The following KDM7A variants were observed in gnomAD, a reference collection of about 807,000 sequenced individuals.
KDM7A encodes the protein lysine-specific demethylase 7A.
In KDM7A, 28 loss-of-function variants were observed where a neutral mutation model predicts 114.8. That is an observed-to-expected ratio of 0.24 (90% CI 0.18 to 0.33). KDM7A has a LOEUF of 0.33. Among genes scored for constraint, KDM7A ranks in the 10% least tolerant of loss-of-function variants. The pLI is 1.00. For missense variants in KDM7A, 942 were observed against 1,142.5 expected, an observed-to-expected ratio of 0.82 and a Z score of 2.53; for synonymous variants, 423 against 397.8, an observed-to-expected ratio of 1.06 and a Z score of -0.75.
At chr7:140,116,518 G>A (rs1818532441) in intron 9 of KDM7A, among the ~76,000 whole-genome samples, 1 of 152,150 alleles carries the variant, frequency 6.6e-6, no homozygotes, top group Admixed American at 6.5e-5. Flanking sequence ...CTCTAGAAGG[G>A]AAGCGGAAAG....
At chr7:140,099,527 G>A (rs1306044028) in intron 13 of KDM7A, among the ~76,000 whole-genome samples, 2 of 152,094 alleles carry the variant, frequency 1.3e-5, no homozygotes, top group Non-Finnish European at 2.9e-5. Context: ...CCAACCCCTG[G>A]GCCATAGACT....
intron 1 of KDM7A, among the ~76,000 whole-genome samples, chr7:140,173,889 C>T (rs1328079593): frequency 6.6e-6 from 1 of 152,132 alleles, no homozygotes; most frequent in Admixed American, 6.5e-5. Context: ...CTAGGCCGGG[C>T]AGGGTGGCTC....
chr7:140,133,524 A>G lies in KDM7A; in HGVS notation c.398+15T>C. 2.2e-6 allele frequency: 3 copies of G among 1,348,574 alleles called. No individual in the cohort carries two copies. The highest frequency in any genetic ancestry group is 2.1e-6 in the Non-Finnish European group (2 of 943,208). The allele number at this position is 1,348,574 out of a possible 1,614,324, so 83.5% of individuals were successfully genotyped here. A position where few individuals can be genotyped will look rare whatever the true frequency, so the allele number is the denominator to read the frequency against. ...ACATTCTTACATTTTCTTTTATCAG[A>G]GTAAGTTTCCATACCTTGGGAAGAC... On this transcript the variant is annotated intron_variant, in intron 3 of 19. Transcript: ENST00000397560.
intron 10 of KDM7A, among the ~76,000 whole-genome samples, chr7:140,112,471 C>T (rs534016572): frequency 9.2e-5 from 14 of 152,070 alleles, no homozygotes; most frequent in East Asian, 3.9e-4. Context: ...ATTAACTAGG[C>T]GTGGTGGTGC....
At chr7:140,123,939 G>A (rs935712793) in intron 7 of KDM7A, among the ~76,000 whole-genome samples, 3 of 151,928 alleles carry the variant, frequency 2.0e-5, no homozygotes, top group Non-Finnish European at 2.9e-5. Context: ...GCATGGTGGC[G>A]GGCGCCTGTA....
chr7:140,109,053 T>A (rs1818390254), intron 11 of KDM7A, among the ~76,000 whole-genome samples: 1 of 152,076 alleles, frequency 6.6e-6, no homozygotes, highest in Non-Finnish European at 1.5e-5. Flanking sequence ...GCTCCGTGGG[T>A]GTGGGACCCT....
chr7:140,171,663 T>C (rs1041482034), intron 1 of KDM7A, among the ~76,000 whole-genome samples: 1 of 149,108 alleles, frequency 6.7e-6, no homozygotes. Context: ...TATATTTATA[T>C]GTCCTGAATC....
intron 3 of KDM7A, among the ~76,000 whole-genome samples, chr7:140,130,268 A>C (rs750022833): frequency 1.3e-5 from 2 of 152,202 alleles, no homozygotes; most frequent in Non-Finnish European, 2.9e-5. Context: ...ACCAGAAGCC[A>C]CTTGATACAG....
rs1340261246 is a variant in KDM7A, at chr7:140,088,243, C to T, written c.*2851G>A. Reference sequence around the variant, plus strand: ...TAGGATACTGAACTACTACAAACTGCCAACTTTATATTGTTTACATCACTC... The same window carrying T: ...TAGGATACTGAACTACTACAAACTGTCAACTTTATATTGTTTACATCACTC... On this transcript the variant is annotated 3_prime_UTR_variant, in exon 20 of 20. Transcript: ENST00000397560. 1 of 339,300 alleles carries T rather than the reference C, an allele frequency of 2.9e-6. No individual in the cohort carries two copies. Among genetic ancestry groups the T allele is most frequent in the Non-Finnish European group, 5.3e-6 (1 of 188,992 alleles). The allele number at this position is 339,300 out of a possible 1,614,324, so 21.0% of individuals were successfully genotyped here. A position where few individuals can be genotyped will look rare whatever the true frequency, so the allele number is the denominator to read the frequency against.
intron 17 of KDM7A, among the ~76,000 whole-genome samples, chr7:140,095,304 G>GT (rs1168805626): frequency 3.3e-5 from 5 of 152,166 alleles, no homozygotes; most frequent in African/African-American, 1.2e-4. Flanking sequence ...GGGACTAAAG[G>GT]AAGACAAAAT....
At chr7:140,095,403 A>G (rs965999987) in intron 17 of KDM7A, among the ~76,000 whole-genome samples, 5 of 152,170 alleles carry the variant, frequency 3.3e-5, no homozygotes, top group African/African-American at 1.2e-4. Context: ...ATCCTCTCCA[A>G]ACTTCAATTT....
chr7:140,155,353 A>G (rs1794447297), intron 1 of KDM7A, among the ~76,000 whole-genome samples: 1 of 152,186 alleles, frequency 6.6e-6, no homozygotes, highest in Non-Finnish European at 1.5e-5. Context: ...ACCTTTACCC[A>G]CCAGGCATAG....
At chr7:140,092,603 G>A (rs1684943958) in intron 18 of KDM7A, among the ~76,000 whole-genome samples, 1 of 151,528 alleles carries the variant, frequency 6.6e-6, no homozygotes, top group Non-Finnish European at 1.5e-5. Context: ...AAACTTTCAG[G>A]GGGCAAAAAA....
intron 2 of KDM7A, among the ~76,000 whole-genome samples, chr7:140,136,086 A>G (rs1050927265): frequency 6.6e-6 from 1 of 152,142 alleles, no homozygotes; most frequent in African/African-American, 2.4e-5. Flanking sequence ...CAGCAACCCC[A>G]GTAGTTAATT....
chr7:140,100,693 TATATATATATATATAC>T (rs1818195069), intron 12 of KDM7A, among the ~76,000 whole-genome samples: 1 of 35,800 alleles, frequency 2.8e-5, no homozygotes, highest in Admixed American at 3.4e-4. Flanking sequence ...TATATACATA[TATATATATATATATAC>T]ACATATATAT....
chr7:140,171,363 G>C (rs1159119052), intron 1 of KDM7A, among the ~76,000 whole-genome samples: 3 of 151,180 alleles, frequency 2.0e-5, no homozygotes, highest in African/African-American at 7.3e-5. Flanking sequence ...CAGCTACTCA[G>C]GAGGCTGAGG....
chr7:140,102,025 G>A lies in KDM7A; in HGVS notation c.1564C>T (p.Pro522Ser). 6 of 1,613,922 alleles carry A rather than the reference G, an allele frequency of 3.7e-6. No individual in the cohort carries two copies. Among genetic ancestry groups the A allele is most frequent in the Non-Finnish European group, 5.1e-6 (6 of 1,179,882 alleles). Residue 522 changes from proline (P) to serine (S), a missense_variant, in exon 12 of 20, where the codon CCT becomes TCT. This residue lies in a region of KDM7A where 512 missense variants were observed against 576.6 expected (regional missense o/e 0.89). Coordinates refer to ENST00000397560, the MANE Select transcript of KDM7A (RefSeq NM_030647.2). ...RKLRDHNVRT[P>S]SNLDILELHT... ...AGCTCTAGGATGTCTAGGTTAGAAG[G>A]AGTTCGGACATTATGATCTCGAAGT...
intron 2 of KDM7A, among the ~76,000 whole-genome samples, chr7:140,138,598 G>C (rs1463404514): frequency 6.6e-6 from 1 of 152,126 alleles, no homozygotes; most frequent in Non-Finnish European, 1.5e-5. Context: ...TTCAGGCAGA[G>C]AGGATGGCTG....
intron 11 of KDM7A, among the ~76,000 whole-genome samples, chr7:140,108,852 A>G (rs1262158011): frequency 5.3e-5 from 8 of 152,200 alleles, no homozygotes; most frequent in African/African-American, 1.9e-4. Context: ...TTGTTCAGCT[A>G]TGCCCTGCCC....
Sources: allele counts gnomAD v4.1 joint callset (sites outside exome capture counted in the v4.1 genomes callset), GRCh38; gene constraint gnomAD v4.1.1; regional missense constraint gnomAD v4.1.1; transcripts MANE v1.5; gene names NCBI Gene and HGNC (gene_info 2026-07-23, HGNC 2026-07-21).